ZDHHC6: variants seen among roughly 807,000 people sequenced by gnomAD.
ZDHHC6 encodes the protein palmitoyltransferase ZDHHC6.
ZDHHC6 carries 32 observed loss-of-function variants against 57.8 expected under a neutral mutation model. The ratio of observed to expected loss-of-function variants is 0.55; its 90% CI spans 0.42 to 0.74. ZDHHC6 has a LOEUF of 0.74. Ranked by LOEUF, ZDHHC6 falls within the 30% of genes least tolerant of loss-of-function variation. The pLI is 0.00. For synonymous variants in ZDHHC6, 128 were observed against 158.0 expected (o/e 0.81, Z 1.42); for missense variants, 433 against 500.7 (o/e 0.86, Z 1.29).
At chr10:112,446,020 G>A in intron 1 of ZDHHC6, among the ~76,000 whole-genome samples, 1 of 152,212 alleles carries the variant, frequency 6.6e-6, no homozygotes. Flanking sequence ...GTCTTAGAGA[G>A]GCTGAGTGAT....
rs140777505 is a variant in ZDHHC6 at position 112,432,376 on chromosome 10, C to T, written c.1091G>A (p.Arg364Gln). 16 of 1,613,884 alleles carry T rather than the reference C, an allele frequency of 9.9e-6. No homozygotes were observed. Among genetic ancestry groups the T allele is most frequent in the Middle Eastern group, 1.6e-4 (1 of 6,082 alleles). Residue 364 changes from arginine to glutamine, a missense_variant and splice_region_variant, in exon 9 of 11, where the codon CGA (arginine) becomes CAA (glutamine). Arg to Gln is a conservative substitution (Grantham distance 43). Coordinates refer to ENST00000369405, the MANE Select transcript of ZDHHC6 (RefSeq NM_022494.3). ...GEFILATRGL[R>Q]YWLYGDKILD... ...AAATGCAGTACTTCCTATTACTTAC[C>T]GTAAACCTCTTGTGGCTAAAATGAA...
In ZDHHC6 at chr10:112,433,249, T is replaced by C. The variant is rs1226260003; in HGVS notation, c.936A>G (p.Arg312=). The C allele has an allele frequency of 1.3e-6, 2 of 1,592,254 alleles. No homozygotes were observed. The highest frequency in any genetic ancestry group is 1.2e-5 in the South Asian group (1 of 86,348). ...IEQLKQKADK[R]VRSVRYKVIE... ...CAAAAGAAGTACTTACACTTCTGACTCTCTTATCTGCTTTTTGTTTCAACT... is the reference window on the plus strand; with the variant it reads ...CAAAAGAAGTACTTACACTTCTGACCCTCTTATCTGCTTTTTGTTTCAACT... The change falls in exon 8 of 11, where the codon AGA becomes AGG. Residue 312 remains arginine (R), a synonymous_variant. Transcript: ENST00000369405.
chr10:112,440,655 G>GCACTCATGTCGATCTT lies in ZDHHC6; in HGVS notation c.544_559dup (p.Ala187GlufsTer58). On this transcript the variant is annotated frameshift_variant, in exon 5 of 11. Coordinates refer to ENST00000369405, the MANE Select transcript of ZDHHC6 (RefSeq NM_022494.3). LOFTEE classifies it high-confidence loss of function. ...AATTGGAAGAGGATCTCTCCGGGCTGCACTCATGTCGATCTTCACTGTGTT... is the reference window on the plus strand; with the variant it reads ...AATTGGAAGAGGATCTCTCCGGGCTGCACTCATGTCGATCTTCACTCATGTCGATCTTCACTGTGTT... The GCACTCATGTCGATCTT allele has an allele frequency of 6.2e-7, 1 of 1,613,664 alleles. No homozygotes were observed. The highest frequency in any genetic ancestry group is 8.5e-7 in the Non-Finnish European group (1 of 1,179,740).
At chr10:112,428,047 G>T, downstream of ZDHHC6, 1 of 182,978 alleles carries the variant, frequency 5.5e-6, no homozygotes, top group Non-Finnish European at 1.1e-5. Context: ...AAGGAATGCT[G>T]TTCTTAAAGC....
intron 5 of ZDHHC6, among the ~76,000 whole-genome samples, chr10:112,440,306 T>C (rs145665417): frequency 6.6e-6 from 1 of 152,312 alleles, no homozygotes; most frequent in Non-Finnish European, 1.5e-5. Flanking sequence ...GCTCCAGAAC[T>C]TACCTAACTT....
downstream of ZDHHC6, among the ~76,000 whole-genome samples, chr10:112,429,985 G>T (rs986550970): frequency 6.7e-6 from 1 of 150,098 alleles, no homozygotes; most frequent in Non-Finnish European, 1.5e-5. Context: ...GGTGTGGGGG[G>T]GGTATTTCCC....
chr10:112,434,784 G>C (rs1845368493), intron 6 of ZDHHC6, among the ~76,000 whole-genome samples: 1 of 152,164 alleles, frequency 6.6e-6, no homozygotes, highest in South Asian at 2.1e-4. Context: ...TAGTTGTTCA[G>C]CAATACAAAA....
rs1845115006 is a variant in ZDHHC6 at position 112,432,253 on chromosome 10, A to G, written c.1125T>C (p.Asp375=). Residue 375 remains aspartate (D), a synonymous_variant, in exon 10 of 11, where the codon GAT becomes GAC. Coordinates refer to ENST00000369405, the MANE Select transcript of ZDHHC6 (RefSeq NM_022494.3). ...YWLYGDKILD[D]SFIEGVSRIR... ...CCATTTCCATACCTTCTATAAAGGA[A>G]TCATCAAGAATTTTGTCTCCATATA... 6.2e-7 allele frequency: 1 copy of G among 1,605,776 alleles called. No individual in the cohort carries two copies.
chr10:112,443,355 A>C (rs1255777595), intron 3 of ZDHHC6, among the ~76,000 whole-genome samples, 160 bp downstream of exon 3: 1 of 152,238 alleles, frequency 6.6e-6, no homozygotes, highest in East Asian at 1.9e-4. Context: ...AGATAATTTA[A>C]GTATAAAATG....
downstream of ZDHHC6, chr10:112,426,987 A>G: frequency 1.0e-6 from 1 of 961,860 alleles, no homozygotes; most frequent in Non-Finnish European, 1.6e-6. Context: ...TAACTACAAA[A>G]TGACCTTTTG....
At chr10:112,447,433 C>A (rs1846898396), upstream of ZDHHC6, 1 of 1,613,592 alleles carries the variant, frequency 6.2e-7, no homozygotes. Flanking sequence ...CAGAGATCAC[C>A]AGCAAGATTG....
chr10:112,445,571 AT>A lies in ZDHHC6; in HGVS notation c.-136del. ...TTCAAGCTGTGAACTGTTAACGCAG[AT>A]TACACCATTTTCACTGTCAGGCACC... On this transcript the variant is annotated 5_prime_UTR_variant, in exon 2 of 11. It removes the in-frame stop codon of an upstream open reading frame in the 5' UTR. Transcript: ENST00000369405. The A allele has an allele frequency of 9.7e-7, 1 of 1,026,738 alleles. No homozygotes were observed. 63.6% of individuals were successfully genotyped at this position (1,026,738 alleles called of 1,614,324 possible).
chr10:112,434,702 G>A (rs879779555), intron 6 of ZDHHC6, among the ~76,000 whole-genome samples: 2 of 152,126 alleles, frequency 1.3e-5, no homozygotes, highest in Admixed American at 6.5e-5. Flanking sequence ...GTTTCTTTAG[G>A]AATAAGCACT....
chr10:112,438,257 C>T (rs1319943370), intron 6 of ZDHHC6, 79 bp downstream of exon 6: 18 of 1,011,412 alleles, frequency 1.8e-5, no homozygotes, highest in Non-Finnish European at 1.8e-5. Context: ...TAATAACAGA[C>T]TTTATTAATA....
Position 112,445,230 on chromosome 10 carries a change from A to G in ZDHHC6, c.207T>C (p.Leu69=). Residue 69 remains leucine (L), a synonymous_variant, in exon 2 of 11, where the codon CTT becomes CTC. Transcript: ENST00000369405. ...CAAACATGGCATTGAAGTAATTATA[A>G]AGAATCATGACAGTCCAATTTATCA... ...IMLINWTVMI[L]YNYFNAMFVG... The G allele has an allele frequency of 1.9e-6, 3 of 1,614,210 alleles. No individual in the cohort carries two copies. The highest frequency in any genetic ancestry group is 1.1e-5 in the South Asian group (1 of 91,086).
rs1213598820 is a variant in ZDHHC6, at chr10:112,424,509, C to T, written c.*1128G>A. On this transcript the variant is annotated 3_prime_UTR_variant, in exon 12 of 12. Coordinates refer to the ZDHHC6 transcript ENST00000626395. ...TCTGTCTAGTAACAGAATTAAATAA[C>T]ACTCTAATAAGCCTAGGATGTAAGC... The T allele has an allele frequency of 1.3e-5, 2 of 152,184 alleles. 1 individual carries two copies. The highest frequency in any genetic ancestry group is 4.8e-5 in the African/African-American group (2 of 41,444). 9.4% of individuals were successfully genotyped at this position (152,184 alleles called of 1,614,324 possible). A position where few individuals can be genotyped will look rare whatever the true frequency, so the allele number is the denominator to read the frequency against.
chr10:112,446,902 T>C lies in ZDHHC6; in HGVS notation c.-412A>G, dbSNP rs890910472. On this transcript the variant is annotated 5_prime_UTR_variant, in exon 1 of 11. Transcript: ENST00000369405. ...GCCGAGCACCTCTCGGCCAGCGCCC[T>C]CGCCAGGACTCTCCCGCTCAGGCCC... 6 of 191,862 alleles carry C rather than the reference T, an allele frequency of 3.1e-5. No homozygotes were observed. The highest frequency in any genetic ancestry group is 1.1e-4 in the Admixed American group (2 of 17,644). The allele number at this position is 191,862 out of a possible 1,614,324, so 11.9% of individuals were successfully genotyped here. A position where few individuals can be genotyped will look rare whatever the true frequency, so the allele number is the denominator to read the frequency against.
At chr10:112,427,537 A>G (rs1844782636), downstream of ZDHHC6, 1 of 492,368 alleles carries the variant, frequency 2.0e-6, no homozygotes, top group South Asian at 4.7e-5. Context: ...TCCCAAATAA[A>G]TCAATCCTGT....
chr10:112,444,854 C>T (rs1780901666), intron 2 of ZDHHC6, among the ~76,000 whole-genome samples: 1 of 152,070 alleles, frequency 6.6e-6, no homozygotes, highest in Admixed American at 6.6e-5. Context: ...ACAGCCAAAC[C>T]TCACTGTGTA....
Sources: gnomAD v4.1 joint callset for allele counts (sites outside exome capture counted in the v4.1 genomes callset) on GRCh38, gnomAD v4.1.1 for gene constraint, MANE v1.5 for transcripts, NCBI Gene and HGNC (gene_info 2026-07-23, HGNC 2026-07-21) for gene names.